The following LPA variants were observed in gnomAD, a reference collection of about 807,000 sequenced individuals.
The protein encoded by LPA is lipoprotein(a), also known as apolipoprotein(a).
LPA carries 199 observed loss-of-function variants against 197.9 expected under a neutral mutation model. The ratio of observed to expected loss-of-function variants is 1.01; its 90% CI spans 0.90 to 1.13. LPA has a LOEUF of 1.13. Among genes scored for constraint, LPA ranks in the 50% most tolerant of loss-of-function variants. The probability of loss-of-function intolerance (pLI) is 0.00; values close to 1 mark genes in which losing one functional copy is unlikely to be tolerated. For synonymous variants in LPA, 715 were observed against 639.5 expected (o/e 1.12, Z -1.78); for missense variants, 1,853 against 1,785.8 (o/e 1.04, Z -0.68).
chr6:160,653,307 C>G (rs1780038274), intron 1 of LPA, among the ~76,000 whole-genome samples: 1 of 151,956 alleles, frequency 6.6e-6, no homozygotes. Flanking sequence ...GAGAAATAGA[C>G]TAATCTAGAG....
chr6:160,610,999 G>C (rs577466308), intron 16 of LPA, among the ~76,000 whole-genome samples: 1 of 152,078 alleles, frequency 6.6e-6, no homozygotes, highest in Non-Finnish European at 1.5e-5. Flanking sequence ...ATCCCTCTCT[G>C]TGCTGACTCT....
At chr6:160,576,842 A>T (rs544067219) in intron 28 of LPA, among the ~76,000 whole-genome samples, 7 of 151,714 alleles carry the variant, frequency 4.6e-5, no homozygotes, top group Admixed American at 6.6e-5. Flanking sequence ...TTTAGTGGGC[A>T]TTGTGGAATG....
At chr6:160,564,858 T>TGGCTCAGAGGGTCCCATGCCCAC (rs1778423553) in intron 28 of LPA, among the ~76,000 whole-genome samples, 1 of 152,210 alleles carries the variant, frequency 6.6e-6, no homozygotes, top group African/African-American at 2.4e-5. Context: ...ATCCTGCACA[T>TGGCTCAGAGGGTCCCATGCCCAC]GGCTCAGAGG....
chr6:160,655,226 A>C (rs769760557), intron 1 of LPA, among the ~76,000 whole-genome samples: 1 of 152,216 alleles, frequency 6.6e-6, no homozygotes, highest in Non-Finnish European at 1.5e-5. Context: ...ATAACAGACC[A>C]ATAGCTGTCT....
At position 160,540,185 on chromosome 6, in the gene LPA, T is replaced by C. The variant is rs1777958828; in HGVS notation, c.5595-2A>G. 2 of 1,614,018 alleles carry C rather than the reference T, an allele frequency of 1.2e-6. No individual in the cohort carries two copies. Among genetic ancestry groups the C allele is most frequent in the Non-Finnish European group, 1.7e-6 (2 of 1,180,032 alleles). On this transcript the variant is annotated splice_acceptor_variant, in intron 35 of 38. Coordinates refer to ENST00000316300, the MANE Select transcript of LPA (RefSeq NM_005577.4). LOFTEE classifies it high-confidence loss of function. The stretch of plus-strand genomic sequence containing the variant: ...TTGTAGGATGAAGGCCTTGAGGACC[T>C]AGAAAAGATGAGGATGTCAAGAGAA...
At chr6:160,650,760 G>T (rs1196619635) in intron 1 of LPA, among the ~76,000 whole-genome samples, 1 of 152,180 alleles carries the variant, frequency 6.6e-6, no homozygotes, top group African/African-American at 2.4e-5. Context: ...CTATGCTCAT[G>T]TGCAAGCTCT....
chr6:160,634,628 T>G (rs1779765649), intron 7 of LPA, among the ~76,000 whole-genome samples: 2 of 149,456 alleles, frequency 1.3e-5, no homozygotes, highest in Non-Finnish European at 1.5e-5. Context: ...CTTAGAGCAT[T>G]GGGAGCTCAT....
At chr6:160,576,314 G>A (rs1158574936) in intron 28 of LPA, among the ~76,000 whole-genome samples, 1 of 84,776 alleles carries the variant, frequency 1.2e-5, no homozygotes, top group African/African-American at 5.3e-5. Context: ...GTTTATACCT[G>A]TATGTATGTG....
In LPA at chr6:160,600,086, G is replaced by A. The variant is rs552953369; in HGVS notation, c.3128-427C>T. 3.9e-5 allele frequency among the ~76,000 whole-genome samples: 6 copies of A among 152,268 alleles called. No homozygotes were observed. In the East Asian group the frequency reaches 1.2e-3, roughly 29 times the overall value. On this transcript the variant is annotated intron_variant, in intron 19 of 38. Transcript: ENST00000316300. ...GGAGGCAAGGACATATAAAAACCTT[G>A]CATGTGTCCCTAGATGATTGCTCAA...
intron 16 of LPA, among the ~76,000 whole-genome samples, chr6:160,611,219 C>G (rs1246657006): frequency 1.3e-5 from 2 of 152,110 alleles, no homozygotes; most frequent in Non-Finnish European, 2.9e-5. Context: ...AATTGGAAGT[C>G]AGAATAACGG....
At position 160,589,546 on chromosome 6, in the gene LPA, G is replaced by A. The variant is rs1778983492; in HGVS notation, c.3947+7C>T. On this transcript the variant is annotated splice_region_variant and intron_variant, in intron 24 of 38. Transcript: ENST00000316300. ...TGTTTCTCTTGGGAGAAAACTCAAAGACATACCCATTTGGGTAGTATTCTG... is the reference window on the plus strand; with the variant it reads ...TGTTTCTCTTGGGAGAAAACTCAAAAACATACCCATTTGGGTAGTATTCTG... 1 of 1,613,186 alleles carries A rather than the reference G, an allele frequency of 6.2e-7. No homozygotes were observed. The highest frequency in any genetic ancestry group is 8.5e-7 in the Non-Finnish European group (1 of 1,179,688).
At chr6:160,577,050 C>T (rs1778697060) in intron 28 of LPA, 86 bp downstream of exon 28, 3 of 1,529,774 alleles carry the variant, frequency 2.0e-6, no homozygotes, top group Non-Finnish European at 2.7e-6. Flanking sequence ...GAAATTTGTC[C>T]CTAGGAAGTG....
At chr6:160,570,332 G>A (rs757175414) in intron 28 of LPA, among the ~76,000 whole-genome samples, 2 of 152,186 alleles carry the variant, frequency 1.3e-5, no homozygotes, top group Non-Finnish European at 2.9e-5. Flanking sequence ...CATGTCCTTT[G>A]TAGGGATGTG....
chr6:160,533,483 T>G (rs1777838164), intron 37 of LPA, among the ~76,000 whole-genome samples: 1 of 152,164 alleles, frequency 6.6e-6, no homozygotes, highest in Non-Finnish European at 1.5e-5. Context: ...GCTGCCCAAA[T>G]GCTTCCTCCC....
chr6:160,550,904 A>G (rs1370486477), intron 30 of LPA, among the ~76,000 whole-genome samples: 3 of 152,208 alleles, frequency 2.0e-5, no homozygotes, highest in Non-Finnish European at 4.4e-5. Context: ...ATGCCATTGT[A>G]TGACTAGTTC....
At chr6:160,652,062 T>A (rs1218305275) in intron 1 of LPA, among the ~76,000 whole-genome samples, 1 of 142,108 alleles carries the variant, frequency 7.0e-6, no homozygotes, top group Non-Finnish European at 1.5e-5. Flanking sequence ...TGAAGCAATA[T>A]GAATGATCTA....
At chr6:160,609,775 TTG>T (rs1420892508) in intron 16 of LPA, among the ~76,000 whole-genome samples, 2 of 151,430 alleles carry the variant, frequency 1.3e-5, no homozygotes, top group African/African-American at 4.9e-5. Context: ...GTGTGTGTGT[TTG>T]TGTGTGTGTT....
intron 1 of LPA, among the ~76,000 whole-genome samples, chr6:160,662,529 C>T (rs1350544037): frequency 1.3e-5 from 2 of 152,188 alleles, no homozygotes; most frequent in Middle Eastern, 3.2e-3. Context: ...TCGATTAAAA[C>T]ATATGTTAAT....
In LPA at chr6:160,664,193, G is replaced by A. The variant is rs1482010159; in HGVS notation, c.22C>T (p.Leu8Phe). The stretch of plus-strand genomic sequence containing the variant: ...GATTTCAGAAATAAAAGAAGTAGAA[G>A]AACCACTTCCTTATGTTCCATTTTG... MEHKEVVLLLLLFLKSAA... is the reference protein window; with the variant it reads MEHKEVVFLLLLFLKSAA... The change falls in exon 1 of 39, where the codon CTT becomes TTT. Residue 8 changes from leucine to phenylalanine, a missense_variant. Leu to Phe is a conservative substitution (Grantham distance 22, BLOSUM62 0). Around this residue, in one of 3 missense-constraint regions of LPA, gnomAD observed 88 missense variants for 83.0 expected, o/e 1.06. Transcript: ENST00000316300. The A allele has an allele frequency of 3.7e-6, 6 of 1,606,428 alleles. No individual in the cohort carries two copies. The highest frequency in any genetic ancestry group is 5.1e-6 in the Non-Finnish European group (6 of 1,177,894).
Sources: allele counts gnomAD v4.1 joint callset (sites outside exome capture counted in the v4.1 genomes callset), GRCh38; gene constraint gnomAD v4.1.1; regional missense constraint gnomAD v4.1.1; transcripts MANE v1.5; gene names NCBI Gene and HGNC (gene_info 2026-07-23, HGNC 2026-07-21).